The following KTN1 variants were observed in gnomAD, a reference collection of about 807,000 sequenced individuals.
KTN1 encodes kinectin.
A neutral mutation model predicts 222.5 loss-of-function variants in KTN1; 130 were observed. The observed-to-expected ratio is 0.58, with a 90% CI of 0.51 to 0.68. KTN1 has a LOEUF of 0.68. KTN1 is among the 30% of genes least tolerant of loss of function. KTN1 has a pLI of 0.00. For missense variants in KTN1, 1,508 were observed against 1,500.4 expected, an observed-to-expected ratio of 1.01 and a Z score of -0.08; for synonymous variants, 512 against 496.3, an observed-to-expected ratio of 1.03 and a Z score of -0.42.
intron 3 of KTN1, among the ~76,000 whole-genome samples, chr14:55,617,330 G>A (rs2038533468): frequency 6.6e-6 from 1 of 152,144 alleles, no homozygotes; most frequent in Non-Finnish European, 1.5e-5. Flanking sequence ...TCTGGGTGTG[G>A]AAGTTTGTAT....
At chr14:55,594,717 A>G (rs929446620) in intron 1 of KTN1, among the ~76,000 whole-genome samples, 2 of 152,208 alleles carry the variant, frequency 1.3e-5, no homozygotes, top group Admixed American at 1.3e-4. Flanking sequence ...CAGTTTTCAC[A>G]CGTAGGTAAA....
intron 1 of KTN1, among the ~76,000 whole-genome samples, chr14:55,608,755 G>A (rs897820286): frequency 4.0e-5 from 6 of 151,654 alleles, no homozygotes; most frequent in African/African-American, 1.5e-4. Context: ...TCAGCCTCCT[G>A]AGTAGCTGGG....
intron 1 of KTN1, among the ~76,000 whole-genome samples, chr14:55,591,113 A>G (rs144199755): frequency 3.1e-3 from 467 of 152,218 alleles, no homozygotes; most frequent in Non-Finnish European, 5.1e-3. Flanking sequence ...TGCTATGAAC[A>G]CCTTGAATAG....
chr14:55,581,108 C>T (rs28409547), intron 1 of KTN1, among the ~76,000 whole-genome samples: 12,182 of 152,300 alleles, frequency 0.08, 533 homozygotes, highest in South Asian at 0.12. Context: ...GATTTTTGGC[C>T]TTGGGGACCT....
chr14:55,652,261 G>A (rs942766011), intron 25 of KTN1, among the ~76,000 whole-genome samples: 3 of 152,012 alleles, frequency 2.0e-5, no homozygotes, highest in Admixed American at 2.0e-4. Flanking sequence ...TGTTTGTATT[G>A]ACTTAAACAA....
intron 41 of KTN1, among the ~76,000 whole-genome samples, chr14:55,676,838 AG>A (rs1180537012): frequency 3.3e-5 from 5 of 152,132 alleles, no homozygotes; most frequent in African/African-American, 9.7e-5. Flanking sequence ...AAGTGTTGTC[AG>A]GTTATTTTAG....
chr14:55,617,348 C>T (rs1331557362), intron 3 of KTN1, among the ~76,000 whole-genome samples: 2 of 152,066 alleles, frequency 1.3e-5, no homozygotes, highest in African/African-American at 2.4e-5. Flanking sequence ...TATCTCTAAC[C>T]AGCAGACATT....
intron 17 of KTN1, 74 bp from the exon 18 acceptor site, chr14:55,641,618 C>A: frequency 2.2e-6 from 2 of 928,072 alleles, no homozygotes; most frequent in Non-Finnish European, 3.6e-6. Context: ...TTTGATTGTT[C>A]AAAAACCCAT....
chr14:55,644,125 A>T (rs2042060662), intron 18 of KTN1: 1 of 363,300 alleles, frequency 2.8e-6, no homozygotes, highest in Admixed American at 4.3e-5. Context: ...GACTTCTTTC[A>T]TCTTGGCAGA....
chr14:55,675,795 T>G (rs373451427), intron 40 of KTN1, 40 bp from the exon 41 acceptor site: 2 of 1,325,190 alleles, frequency 1.5e-6, no homozygotes, highest in Non-Finnish European at 2.2e-6. Context: ...CAAAGAATGA[T>G]GCAAATTAAG....
chr14:55,607,302 G>A (rs1272738559), intron 1 of KTN1: 1 of 152,050 alleles, frequency 6.6e-6, no homozygotes, highest in Non-Finnish European at 1.5e-5. Context: ...GACGAAACAC[G>A]ACTTACATAT....
chr14:55,682,397 TC>T (rs2046452151), intron 43 of KTN1: 1 of 152,172 alleles, frequency 6.6e-6, no homozygotes, highest in Non-Finnish European at 1.5e-5. Context: ...ACTTTTTTGT[TC>T]CCAGATATCT....
intron 2 of KTN1, among the ~76,000 whole-genome samples, chr14:55,614,037 G>A (rs1263937960): frequency 6.6e-6 from 1 of 152,166 alleles, no homozygotes; most frequent in Non-Finnish European, 1.5e-5. Flanking sequence ...AGAATATCAT[G>A]TAAAGGCACA....
At chr14:55,635,980 A>G (rs2041078576) in intron 9 of KTN1, among the ~76,000 whole-genome samples, 1 of 152,220 alleles carries the variant, frequency 6.6e-6, no homozygotes, top group South Asian at 2.1e-4. Flanking sequence ...CTCTGTGGAT[A>G]TGGATAAATA....
chr14:55,632,038 G>T (rs934714721), intron 7 of KTN1, among the ~76,000 whole-genome samples: 1 of 152,000 alleles, frequency 6.6e-6, no homozygotes, highest in African/African-American at 2.4e-5. Context: ...GCCACTAATA[G>T]CAAAAAAGAA....
rs576132224 is a variant in KTN1 at position 55,591,255 on chromosome 14, C to T, written c.-31+10901C>T. ...ATCAGGTATACTATTCCATGCTGTT[C>T]TGTTTCATTAAAACTAAAAACGCTA... On this transcript the variant is annotated intron_variant, in intron 1 of 43. Transcript: ENST00000395314. Among the ~76,000 whole-genome samples the T allele has an allele frequency of 7.2e-4, 109 of 152,208 alleles. 1 individual carries two copies. Among genetic ancestry groups the T allele is most frequent in the Admixed American group, 3.9e-3 (60 of 15,302 alleles).
At chr14:55,618,734 A>G (rs1276188625) in intron 4 of KTN1, among the ~76,000 whole-genome samples, 1 of 152,108 alleles carries the variant, frequency 6.6e-6, no homozygotes, top group African/African-American at 2.4e-5. Flanking sequence ...ATAGAATCAG[A>G]TTTCCTTTTT....
chr14:55,581,790 G>A (rs1466681062), intron 1 of KTN1, among the ~76,000 whole-genome samples: 1 of 149,184 alleles, frequency 6.7e-6, no homozygotes, highest in Non-Finnish European at 1.5e-5. Context: ...TGAGACTTGG[G>A]ATAATGATCC....
intron 29 of KTN1, among the ~76,000 whole-genome samples, chr14:55,657,951 A>C (rs879636162): frequency 6.6e-6 from 1 of 152,136 alleles, no homozygotes; most frequent in African/African-American, 2.4e-5. Flanking sequence ...TAATGTGTTT[A>C]TAATTCTTTT....
Sources: gnomAD v4.1 joint callset for allele counts (sites outside exome capture counted in the v4.1 genomes callset) on GRCh38, gnomAD v4.1.1 for gene constraint, MANE v1.5 for transcripts, NCBI Gene and HGNC (gene_info 2026-07-23, HGNC 2026-07-21) for gene names.